DENND6A: variants seen among roughly 807,000 people sequenced by gnomAD.
DENND6A encodes DENN domain containing 6A.
A neutral mutation model predicts 95.5 loss-of-function variants in DENND6A; 43 were observed. The ratio of observed to expected loss-of-function variants is 0.45; its 90% CI spans 0.35 to 0.58. The LOEUF is 0.58. DENND6A is among the 20% of genes least tolerant of loss of function. DENND6A has a pLI of 0.00. For missense variants in DENND6A, 574 were observed against 736.0 expected, an observed-to-expected ratio of 0.78 and a Z score of 2.55; for synonymous variants, 257 against 260.4, an observed-to-expected ratio of 0.99 and a Z score of 0.13.
At position 57,651,792 on chromosome 3, in the gene DENND6A, T is replaced by C. The variant is rs150921174; in HGVS notation, c.819-5354A>G. Among the ~76,000 whole-genome samples the C allele has an allele frequency of 2.6e-5, 4 of 152,182 alleles. No individual in the cohort carries two copies. In the East Asian group the frequency reaches 7.7e-4, roughly 29 times the overall value. On this transcript the variant is annotated intron_variant, in intron 9 of 19. Coordinates refer to ENST00000311128, the MANE Select transcript of DENND6A (RefSeq NM_152678.3). Reference sequence around the variant, plus strand: ...AAAGAACATAGAAGCCACCCTGTACTAAGTTCTCACTGGCTAAACTGGGAC... The same window carrying C: ...AAAGAACATAGAAGCCACCCTGTACCAAGTTCTCACTGGCTAAACTGGGAC...
intron 1 of DENND6A, among the ~76,000 whole-genome samples, chr3:57,682,669 G>T (rs958989656): frequency 5.9e-5 from 9 of 151,460 alleles, no homozygotes; most frequent in Admixed American, 3.3e-4. Flanking sequence ...TGACTATATG[G>T]TTTTTTTTGT....
chr3:57,670,294 A>T (rs1438037825), intron 3 of DENND6A, among the ~76,000 whole-genome samples: 3 of 152,182 alleles, frequency 2.0e-5, no homozygotes, highest in African/African-American at 7.2e-5. Context: ...AAGGCTTCAG[A>T]GAAAAAAAGT....
intron 9 of DENND6A, among the ~76,000 whole-genome samples, chr3:57,653,131 C>A (rs1365481343): frequency 2.0e-5 from 3 of 152,096 alleles, no homozygotes; most frequent in Non-Finnish European, 4.4e-5. Flanking sequence ...GGAAAAAAGT[C>A]TTCTGTATTG....
In DENND6A at chr3:57,663,573, ACTTT is replaced by A. The variant is rs1425819818; in HGVS notation, c.513+59_513+62del. ...GACTTTAAAGACTCTTAAATCTAAC[ACTTT>A]CTATTTTTCTAATCACAAAATAAAA... On this transcript the variant is annotated intron_variant, in intron 5 of 19. Coordinates refer to ENST00000311128, the MANE Select transcript of DENND6A (RefSeq NM_152678.3). The A allele has an allele frequency of 5.7e-6, 7 of 1,218,262 alleles. No individual in the cohort carries two copies. The African/African-American group carries it at 6.2e-5, about 11-fold the overall frequency. 75.5% of individuals were successfully genotyped at this position (1,218,262 alleles called of 1,614,324 possible).
chr3:57,631,718 T>G (rs988575722), intron 15 of DENND6A, among the ~76,000 whole-genome samples: 2 of 68,570 alleles, frequency 2.9e-5, no homozygotes, highest in African/African-American at 8.2e-5. Flanking sequence ...TCTGCTCTCT[T>G]TTTTTTTTTT....
intron 1 of DENND6A, among the ~76,000 whole-genome samples, chr3:57,691,669 C>CAAAAA (rs71091304): frequency 1.7e-4 from 16 of 93,584 alleles, no homozygotes; most frequent in East Asian, 6.6e-4. Context: ...TCACCAATAC[C>CAAAAA]AAAAAAAAAA....
chr3:57,637,312 G>A (rs1348995675), intron 12 of DENND6A, among the ~76,000 whole-genome samples: 1 of 152,120 alleles, frequency 6.6e-6, no homozygotes, highest in Non-Finnish European at 1.5e-5. Context: ...TAGACACAGA[G>A]GAACATCTTG....
chr3:57,674,243 T>G (rs909200459), intron 1 of DENND6A, among the ~76,000 whole-genome samples: 6 of 151,952 alleles, frequency 3.9e-5, no homozygotes, highest in South Asian at 4.2e-4. Context: ...CGTGGTGGCG[T>G]GTGCCTGTAG....
chr3:57,631,282 T>C lies in DENND6A; in HGVS notation c.1354-304A>G, dbSNP rs1358871464. ...CATGATCTCGGCTCACTACAACCTC[T>C]GCCCCCCGGGTTCAAGCGATTCTCC... On this transcript the variant is annotated intron_variant, in intron 15 of 19. Coordinates refer to ENST00000311128, the MANE Select transcript of DENND6A (RefSeq NM_152678.3). The C allele has an allele frequency of 1.7e-5, 4 of 228,964 alleles. No individual in the cohort carries two copies. The East Asian group carries it at 4.3e-4, about 24-fold the overall frequency. The allele number at this position is 228,964 out of a possible 1,614,324, so 14.2% of individuals were successfully genotyped here.
At chr3:57,654,109 G>A (rs564209130) in intron 9 of DENND6A, among the ~76,000 whole-genome samples, 22 of 149,570 alleles carry the variant, frequency 1.5e-4, no homozygotes, top group African/African-American at 4.8e-4. Context: ...CACCACGCCC[G>A]GCTAATTTTT....
chr3:57,628,011 G>C lies in DENND6A; in HGVS notation c.*203C>G, dbSNP rs967299910. On this transcript the variant is annotated 3_prime_UTR_variant, in exon 20 of 20. Transcript: ENST00000311128. ...TGCCTTTCGGTGTTTCAGTATTAAAGTGGAACCACCACAGATATCCACTTT... is the reference window on the plus strand; with the variant it reads ...TGCCTTTCGGTGTTTCAGTATTAAACTGGAACCACCACAGATATCCACTTT... 1.5e-5 allele frequency: 9 copies of C among 603,206 alleles called. No homozygotes were observed. The highest frequency in any genetic ancestry group is 1.1e-4 in the African/African-American group (6 of 53,620). The allele number at this position is 603,206 out of a possible 1,614,324, so 37.4% of individuals were successfully genotyped here. A position where few individuals can be genotyped will look rare whatever the true frequency, so the allele number is the denominator to read the frequency against.
At chr3:57,657,873 G>A in intron 8 of DENND6A, 138 bp from the exon 9 acceptor site, 1 of 552,100 alleles carries the variant, frequency 1.8e-6, no homozygotes. Flanking sequence ...AACAGCCAGA[G>A]AGGGAATGGG....
In DENND6A at chr3:57,645,830, T is replaced by A. The variant is rs928688737; in HGVS notation, c.942-74A>T. The A allele has an allele frequency of 2.8e-5, 30 of 1,086,074 alleles. No homozygotes were observed. The African/African-American group carries it at 4.7e-4, about 17-fold the overall frequency. The allele number at this position is 1,086,074 out of a possible 1,614,324, so 67.3% of individuals were successfully genotyped here. A position where few individuals can be genotyped will look rare whatever the true frequency, so the allele number is the denominator to read the frequency against. On this transcript the variant is annotated intron_variant, in intron 10 of 19. Coordinates refer to ENST00000311128, the MANE Select transcript of DENND6A (RefSeq NM_152678.3). ...TCCTAATCTATAACTAGAAAACATC[T>A]ATACAAACGGTATACACACAAAGGG...
intron 1 of DENND6A, among the ~76,000 whole-genome samples, chr3:57,685,288 T>TA (rs924274500): frequency 3.3e-5 from 5 of 151,782 alleles, no homozygotes; most frequent in African/African-American, 1.2e-4. Context: ...AAAGTATCAT[T>TA]AAAAAAAATT....
chr3:57,692,971 C>G lies in DENND6A; in HGVS notation c.48G>C (p.Pro16=), dbSNP rs575683987. 33 of 1,533,806 alleles carry G rather than the reference C, an allele frequency of 2.2e-5. 1 individual carries two copies. The African/African-American group carries it at 3.0e-4, about 14-fold the overall frequency. ...CGGCCCCTGCCACCGCTTCGTCCAACGGCCTTCGAGAGCCGGGCCCCAAGC... is the reference window on the plus strand; with the variant it reads ...CGGCCCCTGCCACCGCTTCGTCCAAGGGCCTTCGAGAGCCGGGCCCCAAGC... ...PAGLGPGSRR[P]LDEAVAGAEG... Residue 16 remains proline, a synonymous_variant, in exon 1 of 20, where the codon CCG becomes CCC. Coordinates refer to ENST00000311128, the MANE Select transcript of DENND6A (RefSeq NM_152678.3).
chr3:57,692,800 C>A lies in DENND6A; in HGVS notation c.219G>T (p.Glu73Asp). Reference protein sequence around the residue: ...HCVCVVGFDLELGQAVEVIYP... With the variant: ...HCVCVVGFDLDLGQAVEVIYP... The stretch of plus-strand genomic sequence containing the variant: ...GCCTCACCTCCACGGCCTGGCCCAG[C>A]TCCAGGTCGAAGCCCACCACACACA... Residue 73 changes from glutamate to aspartate, a missense_variant, in exon 1 of 20, where the codon GAG becomes GAT. This residue lies in a region of DENND6A where 122 missense variants were observed against 105.1 expected (regional missense o/e 1.16). Coordinates refer to ENST00000311128, the MANE Select transcript of DENND6A (RefSeq NM_152678.3). The A allele has an allele frequency of 6.4e-7, 1 of 1,554,124 alleles. No homozygotes were observed. Among genetic ancestry groups the A allele is most frequent in the Non-Finnish European group, 8.7e-7 (1 of 1,154,844 alleles).
Position 57,628,217 on chromosome 3 carries a change from T to C in DENND6A, c.1824A>G (p.Thr608=). The change falls in exon 20 of 20, where the codon ACA becomes ACG. Residue 608 remains threonine, a synonymous_variant. Coordinates refer to ENST00000311128, the MANE Select transcript of DENND6A (RefSeq NM_152678.3). ...GGCTGGAAAATCTTGGCAAATATCATGTCATGCCCGTTTTGAGCAGTATGC... is the reference window on the plus strand; with the variant it reads ...GGCTGGAAAATCTTGGCAAATATCACGTCATGCCCGTTTTGAGCAGTATGC... The part of the protein sequence containing the change: ...LQGILLKTGM[T] 6.2e-7 allele frequency: 1 copy of C among 1,611,908 alleles called. No individual in the cohort carries two copies. The highest frequency in any genetic ancestry group is 1.1e-5 in the South Asian group (1 of 90,632).
intron 1 of DENND6A, 55 bp from the exon 2 acceptor site, chr3:57,672,493 A>G (rs2071635370): frequency 6.4e-7 from 1 of 1,551,086 alleles, no homozygotes; most frequent in African/African-American, 1.4e-5. Context: ...AGTTATAAAC[A>G]TATTATAGGC....
At chr3:57,691,765 C>T (rs1277080360) in intron 1 of DENND6A, among the ~76,000 whole-genome samples, 1 of 151,282 alleles carries the variant, frequency 6.6e-6, no homozygotes, top group Non-Finnish European at 1.5e-5. Flanking sequence ...CAAGCAATTC[C>T]TTATGCTAAA....
Sources: allele counts gnomAD v4.1 joint callset (sites outside exome capture counted in the v4.1 genomes callset), GRCh38; gene constraint gnomAD v4.1.1; regional missense constraint gnomAD v4.1.1; transcripts MANE v1.5; gene names NCBI Gene and HGNC (gene_info 2026-07-23, HGNC 2026-07-21).